Variants in TLN2 observed in about 807,000 individuals in gnomAD.
TLN2 encodes talin 2.
Under a neutral mutation model 294.7 loss-of-function variants are expected in TLN2, and 118 were observed. The ratio of observed to expected loss-of-function variants is 0.40; its 90% CI spans 0.34 to 0.47. The LOEUF (loss-of-function observed/expected upper bound fraction) is 0.47. Among genes scored for constraint, TLN2 ranks in the 20% least tolerant of loss-of-function variants. TLN2 has a pLI of 0.84. For synonymous variants in TLN2, 1,431 were observed against 1,304.5 expected, an observed-to-expected ratio of 1.10 and a Z score of -2.09; for missense variants, 3,083 against 3,282.2, an observed-to-expected ratio of 0.94 and a Z score of 1.48.
intron 26 of TLN2, among the ~76,000 whole-genome samples, chr15:62,724,542 G>T (rs2060331672): frequency 6.6e-6 from 1 of 152,200 alleles, no homozygotes; most frequent in Non-Finnish European, 1.5e-5. Flanking sequence ...AATTTGTAAA[G>T]AGAAGCAATA....
chr15:62,803,208 T>C (rs1430717292), intron 50 of TLN2, among the ~76,000 whole-genome samples: 2 of 152,194 alleles, frequency 1.3e-5, no homozygotes, highest in East Asian at 3.9e-4. Flanking sequence ...GGAGCTCCAT[T>C]GTGTGTTATT....
At chr15:62,513,023 A>G (rs899826141) in intron 1 of TLN2, among the ~76,000 whole-genome samples, 3 of 152,134 alleles carry the variant, frequency 2.0e-5, no homozygotes, top group Non-Finnish European at 2.9e-5. Flanking sequence ...GTTAGCTTTG[A>G]TTGGTGCCCT....
chr15:62,474,908 A>G (rs775844899), intron 1 of TLN2, among the ~76,000 whole-genome samples: 4 of 152,108 alleles, frequency 2.6e-5, no homozygotes, highest in African/African-American at 7.2e-5. Flanking sequence ...CAGAGTAACT[A>G]GAATGCTAAT....
chr15:62,810,021 C>T lies in TLN2; in HGVS notation c.6760C>T (p.His2254Tyr). The change falls in exon 52 of 59, where the codon CAC becomes TAC. Residue 2254 changes from histidine (H) to tyrosine (Y), a missense_variant. By Grantham distance (83) the His-to-Tyr change is moderately conservative. Coordinates refer to ENST00000636159, the MANE Select transcript of TLN2 (RefSeq NM_015059.3). ...CTLGYLDLLE[H>Y]VLVILQKPTP... is the part of the protein sequence containing the mutation. ...CCTTGGCTACTTGGACCTCCTGGAG[C>T]ACGTCTTGGTGGTAAGAAAGCGCAT... 6.2e-7 allele frequency: 1 copy of T among 1,613,904 alleles called. No individual in the cohort carries two copies. The highest frequency in any genetic ancestry group is 8.5e-7 in the Non-Finnish European group (1 of 1,179,912).
intron 32 of TLN2, among the ~76,000 whole-genome samples, chr15:62,745,331 TAA>T (rs899096910): frequency 6.7e-6 from 1 of 149,466 alleles, no homozygotes; most frequent in African/African-American, 2.5e-5. Flanking sequence ...AAAAAGATGG[TAA>T]AAAAAAAATA....
At chr15:62,397,376 G>T (rs1300565250) in intron 1 of TLN2, among the ~76,000 whole-genome samples, 1 of 152,074 alleles carries the variant, frequency 6.6e-6, no homozygotes. Flanking sequence ...TCCTGCCTCG[G>T]CCTCCTGTGA....
rs1016898075 is a variant in TLN2 at position 62,819,091 on chromosome 15, C to T, written c.6772-425C>T. Among the ~76,000 whole-genome samples, 4 of 152,162 alleles carry T rather than the reference C, an allele frequency of 2.6e-5. No individual in the cohort carries two copies. The South Asian group carries it at 8.3e-4, about 32-fold the overall frequency. ...ACCAGGCTGGTCTTGAACTCCTGGG[C>T]TCAAGCAGCCCTCCCACCTCGGCCT... On this transcript the variant is annotated intron_variant, in intron 52 of 58. Coordinates refer to ENST00000636159, the MANE Select transcript of TLN2 (RefSeq NM_015059.3).
chr15:62,519,244 C>A (rs1164682128), intron 1 of TLN2, among the ~76,000 whole-genome samples: 1 of 152,142 alleles, frequency 6.6e-6, no homozygotes, highest in African/African-American at 2.4e-5. Context: ...GACATTTCCC[C>A]AGCAATTGAA....
chr15:62,796,231 C>G lies in TLN2; in HGVS notation c.5988C>G (p.Thr1996=). 1 of 1,614,222 alleles carries G rather than the reference C, an allele frequency of 6.2e-7. No homozygotes were observed. Among genetic ancestry groups the G allele is most frequent in the Non-Finnish European group, 8.5e-7 (1 of 1,180,046 alleles). The stretch of plus-strand genomic sequence containing the variant: ...GGATCATTGCCGACCTGGACACCAC[C>G]ATTATGTTTGCAACAGCGGGGACGC... The part of the protein sequence containing the change: ...VSGIIADLDT[T]IMFATAGTLN... The change falls in exon 47 of 59, where the codon ACC becomes ACG. Residue 1996 remains threonine (T), a synonymous_variant. Coordinates refer to ENST00000636159, the MANE Select transcript of TLN2 (RefSeq NM_015059.3).
intron 14 of TLN2, among the ~76,000 whole-genome samples, chr15:62,695,549 C>T (rs928479082): frequency 9.2e-5 from 14 of 152,180 alleles, no homozygotes; most frequent in African/African-American, 3.1e-4. Context: ...CGATGTTTCC[C>T]ATAGTACGCT....
At chr15:62,692,707 A>G in intron 12 of TLN2, 133 bp from the exon 13 acceptor site, 1 of 652,376 alleles carries the variant, frequency 1.5e-6, no homozygotes, top group Non-Finnish European at 2.7e-6. Flanking sequence ...ATTTTAGGAT[A>G]TTCATTTGTA....
intron 2 of TLN2, among the ~76,000 whole-genome samples, chr15:62,596,389 T>C (rs967413850): frequency 3.3e-5 from 5 of 152,172 alleles, no homozygotes; most frequent in Admixed American, 6.5e-5. Context: ...TATACATATT[T>C]AAAAATGACA....
At chr15:62,682,344 G>C (rs2056906675) in intron 11 of TLN2, among the ~76,000 whole-genome samples, 1 of 152,012 alleles carries the variant, frequency 6.6e-6, no homozygotes, top group African/African-American at 2.4e-5. Flanking sequence ...CTTAGCTCTT[G>C]GTCCATAAAA....
At chr15:62,531,116 TCTCTA>T (rs1161311930) in intron 1 of TLN2, among the ~76,000 whole-genome samples, 1 of 152,224 alleles carries the variant, frequency 6.6e-6, no homozygotes, top group Non-Finnish European at 1.5e-5. Context: ...TTTATGGAGA[TCTCTA>T]CTCTCATGCT....
intron 3 of TLN2, among the ~76,000 whole-genome samples, chr15:62,633,151 T>C (rs971466960): frequency 2.8e-4 from 43 of 152,232 alleles, no homozygotes; most frequent in African/African-American, 9.9e-4. Context: ...ACGGTGGTAT[T>C]ATAGCAAGGC....
At position 62,762,313 on chromosome 15, in the gene TLN2, C is replaced by A. The variant is rs1436189405; in HGVS notation, c.4821C>A (p.Thr1607=). Residue 1607 remains threonine, a synonymous_variant, in exon 39 of 59, where the codon ACC becomes ACA. Transcript: ENST00000636159. ...AQEPILVSAK[T]MLESSSYLIR... ...AACCAATCCTGGTCTCAGCCAAGAC[C>A]ATGCTGGAGAGTTCATCGTACCTCA... The A allele has an allele frequency of 6.2e-7, 1 of 1,614,072 alleles. No homozygotes were observed. Among genetic ancestry groups the A allele is most frequent in the African/African-American group, 1.3e-5 (1 of 74,936 alleles).
intron 1 of TLN2, among the ~76,000 whole-genome samples, chr15:62,390,953 C>T (rs1016070416): frequency 6.6e-6 from 1 of 152,258 alleles, no homozygotes; most frequent in Non-Finnish European, 1.5e-5. Context: ...GCACCGGACC[C>T]GGGCGCAGCG....
At chr15:62,746,765 G>C (rs1228446409) in intron 32 of TLN2, among the ~76,000 whole-genome samples, 1 of 152,126 alleles carries the variant, frequency 6.6e-6, no homozygotes, top group Non-Finnish European at 1.5e-5. Flanking sequence ...TCGAATTCTG[G>C]GCCCTGCCAG....
intron 19 of TLN2, 115 bp downstream of exon 19, chr15:62,702,979 C>T (rs544190857): frequency 3.8e-5 from 35 of 929,918 alleles, no homozygotes; most frequent in African/African-American, 2.4e-4. Context: ...GTCAAGAATG[C>T]GATTGAGATG....
Sources: gnomAD v4.1 joint callset for allele counts (sites outside exome capture counted in the v4.1 genomes callset) on GRCh38, gnomAD v4.1.1 for gene constraint, MANE v1.5 for transcripts, NCBI Gene and HGNC (gene_info 2026-07-23, HGNC 2026-07-21) for gene names.